Variants in PCDH9 observed in about 807,000 individuals in gnomAD.
The protein encoded by PCDH9 is protocadherin 9, also known as protocadherin-9.
In PCDH9, 24 loss-of-function variants were observed where a neutral mutation model predicts 70.6. The observed-to-expected ratio is 0.34, with a 90% confidence interval of 0.25 to 0.48. The LOEUF is 0.48. Ranked by LOEUF, PCDH9 falls within the 20% of genes least tolerant of loss-of-function variation. The pLI is 0.99. For synonymous variants in PCDH9, 562 were observed against 558.5 expected (o/e 1.01, Z -0.09); for missense variants, 1,281 against 1,503.6 (o/e 0.85, Z 2.45).
At chr13:66,807,746 C>T (rs1295068768) in intron 3 of PCDH9, among the ~76,000 whole-genome samples, 2 of 152,074 alleles carry the variant, frequency 1.3e-5, no homozygotes, top group Admixed American at 1.3e-4. Context: ...ATGTCAGGCC[C>T]TTAGAATTTT....
intron 2 of PCDH9, chr13:67,215,145 T>A (rs1332417611): frequency 6.6e-6 from 1 of 151,192 alleles, no homozygotes; most frequent in Non-Finnish European, 1.5e-5. Context: ...TTCTCTAGTC[T>A]CCATTTCTTC....
rs373628415 is a variant in PCDH9, at chr13:66,571,587, T to C, written c.3340+59623A>G. Among the ~76,000 whole-genome samples the C allele has an allele frequency of 8.5e-5, 13 of 152,172 alleles. No individual in the cohort carries two copies. The South Asian group carries it at 2.5e-3, about 29-fold the overall frequency. ...TTTCTGCTCTACATATCAGTTGTAC[T>C]CCAGGCTACCATCCTCATTATCGCT... On this transcript the variant is annotated intron_variant, in intron 4 of 4. Coordinates refer to ENST00000377865, the MANE Select transcript of PCDH9 (RefSeq NM_203487.3).
At chr13:66,383,027 CAAAACAAACA>C (rs916560518) in intron 4 of PCDH9, among the ~76,000 whole-genome samples, 18 of 836 alleles carry the variant, frequency 0.022, no homozygotes, top group Admixed American at 0.074. Context: ...GACTTTGTCT[CAAAACAAACA>C]AAAACAAACA....
chr13:67,103,755 G>A (rs2086479697), intron 2 of PCDH9, among the ~76,000 whole-genome samples: 4 of 152,120 alleles, frequency 2.6e-5, no homozygotes. Context: ...GTAGAGTGGT[G>A]GATTGCATGG....
At chr13:66,368,050 A>T (rs922824791) in intron 4 of PCDH9, among the ~76,000 whole-genome samples, 5 of 152,064 alleles carry the variant, frequency 3.3e-5, no homozygotes, top group African/African-American at 1.2e-4. Flanking sequence ...GGACTTTGAT[A>T]AAAAAATGTA....
At chr13:66,958,297 A>G (rs191417693) in intron 2 of PCDH9, among the ~76,000 whole-genome samples, 13 of 152,352 alleles carry the variant, frequency 8.5e-5, no homozygotes, top group Non-Finnish European at 1.6e-4. Flanking sequence ...GACTGGATGA[A>G]AAACACGGAA....
chr13:66,980,083 T>G (rs1483957657), intron 2 of PCDH9, among the ~76,000 whole-genome samples: 1 of 61,188 alleles, frequency 1.6e-5, no homozygotes, highest in African/African-American at 8.0e-5. Context: ...TCCATCTCTA[T>G]CTATCTATCT....
chr13:66,969,520 T>G (rs1342067514), intron 2 of PCDH9, among the ~76,000 whole-genome samples: 1 of 152,086 alleles, frequency 6.6e-6, no homozygotes, highest in East Asian at 1.9e-4. Flanking sequence ...TGAATTTCAA[T>G]AGTATGATTG....
chr13:66,615,588 G>A (rs1010107975), intron 4 of PCDH9, among the ~76,000 whole-genome samples: 2 of 152,080 alleles, frequency 1.3e-5, no homozygotes, highest in African/African-American at 4.8e-5. Context: ...CTCAAATACA[G>A]GCTTCTGATA....
intron 4 of PCDH9, among the ~76,000 whole-genome samples, chr13:66,491,430 A>C (rs1480487412): frequency 1.5e-5 from 1 of 67,452 alleles, no homozygotes; most frequent in Non-Finnish European, 3.4e-5. Flanking sequence ...TGAGAGAGAG[A>C]GACTGTGCTC....
chr13:67,122,237 C>A (rs568865278), intron 2 of PCDH9, among the ~76,000 whole-genome samples: 1 of 152,000 alleles, frequency 6.6e-6, no homozygotes, highest in Admixed American at 6.5e-5. Flanking sequence ...AAATATAAAT[C>A]GTTCATTGTA....
Position 66,460,474 on chromosome 13 carries a change from C to G in PCDH9, c.3341-155446G>C, listed in dbSNP as rs539239323. On this transcript the variant is annotated intron_variant, in intron 4 of 4. Transcript: ENST00000377865. ...AATTGTGAAGTGAAATGGTGGATAT[C>G]CAGAAAACTCGGCCAAGTGAGGTGA... Among the ~76,000 whole-genome samples the G allele has an allele frequency of 3.3e-5, 5 of 151,848 alleles. No homozygotes were observed. In the South Asian group the frequency reaches 1.0e-3, roughly 31 times the overall value.
intron 3 of PCDH9, among the ~76,000 whole-genome samples, chr13:66,791,882 C>A (rs940484115): frequency 6.6e-6 from 1 of 152,050 alleles, no homozygotes; most frequent in Non-Finnish European, 1.5e-5. Flanking sequence ...ACTCTGTATA[C>A]CACTCATAAA....
At chr13:66,903,139 A>T (rs1044216687) in intron 3 of PCDH9, among the ~76,000 whole-genome samples, 1 of 151,908 alleles carries the variant, frequency 6.6e-6, no homozygotes, top group Non-Finnish European at 1.5e-5. Context: ...TAACCTTTCA[A>T]AATAGTTGTG....
chr13:66,790,450 C>A (rs556979483), intron 3 of PCDH9, among the ~76,000 whole-genome samples: 4 of 152,102 alleles, frequency 2.6e-5, no homozygotes, highest in African/African-American at 7.2e-5. Context: ...AATGTATTAA[C>A]CTTTTCTGCA....
intron 3 of PCDH9, among the ~76,000 whole-genome samples, chr13:66,853,135 A>C (rs1199974916): frequency 1.3e-5 from 2 of 151,406 alleles, no homozygotes; most frequent in Admixed American, 1.3e-4. Flanking sequence ...TAGTACAGAA[A>C]TAGTCAAAAA....
intron 4 of PCDH9, among the ~76,000 whole-genome samples, chr13:66,318,505 A>C (rs933142126): frequency 6.6e-6 from 1 of 152,202 alleles, no homozygotes; most frequent in African/African-American, 2.4e-5. Context: ...TTTTGTTGCC[A>C]CATCAATATG....
chr13:67,074,050 A>G (rs1034351422), intron 2 of PCDH9, among the ~76,000 whole-genome samples: 3 of 148,768 alleles, frequency 2.0e-5, no homozygotes, highest in African/African-American at 7.4e-5. Context: ...CTATCTATCT[A>G]TCTATCTATC....
chr13:66,562,348 G>A (rs1455426956), intron 4 of PCDH9, among the ~76,000 whole-genome samples: 1 of 152,016 alleles, frequency 6.6e-6, no homozygotes, highest in African/African-American at 2.4e-5. Context: ...TAGACAAATA[G>A]ATCTCAGTAT....
Sources: gnomAD v4.1 joint callset for allele counts (sites outside exome capture counted in the v4.1 genomes callset) on GRCh38, gnomAD v4.1.1 for gene constraint, MANE v1.5 for transcripts, NCBI Gene and HGNC (gene_info 2026-07-23, HGNC 2026-07-21) for gene names.